SMAP2: variants seen among roughly 807,000 people sequenced by gnomAD.
SMAP2 encodes small ArfGAP2, also known as stromal membrane-associated protein 2.
SMAP2 carries 25 observed loss-of-function variants against 56.4 expected under a neutral mutation model. The observed-to-expected ratio is 0.44, with a 90% CI of 0.32 to 0.62. The LOEUF is 0.62. Ranked by LOEUF, SMAP2 falls within the 20% of genes least tolerant of loss-of-function variation. SMAP2 has a pLI of 0.04. For missense variants in SMAP2, 388 were observed against 545.6 expected, an observed-to-expected ratio of 0.71 and a Z score of 2.88; for synonymous variants, 157 against 181.7, an observed-to-expected ratio of 0.86 and a Z score of 1.09.
intron 1 of SMAP2, among the ~76,000 whole-genome samples, chr1:40,397,544 C>T (rs1021990150): frequency 6.6e-6 from 1 of 152,152 alleles, no homozygotes; most frequent in Non-Finnish European, 1.5e-5. Context: ...CTTCTCCCTT[C>T]ATTTTGCAAA....
Position 40,374,270 on chromosome 1 carries a change from G to T in SMAP2, c.103+47G>T, listed in dbSNP as rs1644519865. On this transcript the variant is annotated intron_variant, in intron 1 of 9. Transcript: ENST00000372718. The surrounding 1 kb of genome is among the most constrained non-coding windows in gnomAD (Gnocchi z 5.9). ...GCCAGGGGTCCAGCCGCGCCGGGGTGGTGGGGGTGGGCTGCGTGAAGAGGC... is the reference window on the plus strand; with the variant it reads ...GCCAGGGGTCCAGCCGCGCCGGGGTTGTGGGGGTGGGCTGCGTGAAGAGGC... 1.3e-6 allele frequency: 2 copies of T among 1,507,696 alleles called. No individual in the cohort carries two copies. The highest frequency in any genetic ancestry group is 2.7e-5 in the African/African-American group (2 of 73,042). The allele number at this position is 1,507,696 out of a possible 1,614,324, so 93.4% of individuals were successfully genotyped here.
upstream of SMAP2, among the ~76,000 whole-genome samples, chr1:40,371,256 A>C (rs1644495252): frequency 6.6e-6 from 1 of 152,168 alleles, no homozygotes; most frequent in Non-Finnish European, 1.5e-5. Context: ...ACATTTTTGC[A>C]AGACTAGTCA....
intron 9 of SMAP2, among the ~76,000 whole-genome samples, chr1:40,419,039 A>G (rs1409307518): frequency 1.3e-5 from 2 of 152,210 alleles, no homozygotes; most frequent in Non-Finnish European, 2.9e-5. Context: ...TGCAGAATAT[A>G]CATTATATTC....
chr1:40,372,160 T>C (rs187429660), upstream of SMAP2, among the ~76,000 whole-genome samples: 9 of 152,298 alleles, frequency 5.9e-5, no homozygotes, highest in African/African-American at 2.2e-4. Context: ...CGGTGAAGGA[T>C]TAATTTAACC....
At chr1:40,357,500 G>T (rs939916601) in intron 1 of SMAP2, among the ~76,000 whole-genome samples, 2 of 151,356 alleles carry the variant, frequency 1.3e-5, no homozygotes, top group Non-Finnish European at 2.9e-5. Context: ...GGAAATCTTT[G>T]CCCTGTCCAA....
At chr1:40,358,868 C>A (rs1644448190) in intron 1 of SMAP2, among the ~76,000 whole-genome samples, 1 of 152,136 alleles carries the variant, frequency 6.6e-6, no homozygotes, top group Non-Finnish European at 1.5e-5. Flanking sequence ...CTCTCTTTAG[C>A]TCTAATAATA....
At chr1:40,416,717 G>A (rs1557468306) in intron 8 of SMAP2, 63 bp from the exon 9 acceptor site, 4 of 1,490,186 alleles carry the variant, frequency 2.7e-6, no homozygotes, top group Non-Finnish European at 2.7e-6. Context: ...TAGCCAGGGA[G>A]AGTTCGGGCT....
At chr1:40,365,006 T>C in intron 2 of SMAP2, 1 of 226,524 alleles carries the variant, frequency 4.4e-6, no homozygotes, top group Non-Finnish European at 9.3e-6. Context: ...CAGTTTCAGA[T>C]GAAGAAGGTG....
rs532637457 is a variant in SMAP2 at position 40,378,206 on chromosome 1, C to A, written c.103+3983C>A. On this transcript the variant is annotated intron_variant, in intron 1 of 9. Coordinates refer to ENST00000372718, the MANE Select transcript of SMAP2 (RefSeq NM_022733.3). The stretch of plus-strand genomic sequence containing the variant: ...GTGGTGCGATTATAGCTCACTGTAG[C>A]CTCAGACTCCTGGGCTCAAGCTGTC... Among the ~76,000 whole-genome samples, 16 of 152,296 alleles carry A rather than the reference C, an allele frequency of 1.1e-4. No individual in the cohort carries two copies. In the East Asian group the frequency reaches 2.5e-3, roughly 24 times the overall value.
chr1:40,345,880 A>G (rs1320886494), intron 1 of SMAP2, among the ~76,000 whole-genome samples: 2 of 129,834 alleles, frequency 1.5e-5, no homozygotes, highest in African/African-American at 2.8e-5. Flanking sequence ...ATTGTATTAT[A>G]TTGTATTGTA....
At chr1:40,418,334 T>A (rs1645009722) in intron 9 of SMAP2, among the ~76,000 whole-genome samples, 1 of 152,030 alleles carries the variant, frequency 6.6e-6, no homozygotes, top group Non-Finnish European at 1.5e-5. Flanking sequence ...ATGAAACAGC[T>A]AAGAGAATGA....
intron 1 of SMAP2, among the ~76,000 whole-genome samples, chr1:40,404,247 A>C (rs1008962272): frequency 6.6e-6 from 1 of 152,258 alleles, no homozygotes; most frequent in Admixed American, 6.5e-5. Context: ...CTAGTGGCTC[A>C]AAACTAAAAG....
intron 6 of SMAP2, 134 bp from the exon 7 acceptor site, chr1:40,415,138 A>G: frequency 2.8e-6 from 2 of 702,722 alleles, no homozygotes; most frequent in Admixed American, 2.4e-5. Context: ...AGCCCCGTCC[A>G]TGCTAGATGG....
At chr1:40,375,817 G>A (rs1006696507) in intron 1 of SMAP2, 15 of 926,288 alleles carry the variant, frequency 1.6e-5, no homozygotes, top group Admixed American at 1.7e-4. Context: ...TGCCATTTTG[G>A]TGACTAGAAC....
intron 1 of SMAP2, among the ~76,000 whole-genome samples, chr1:40,405,794 A>AT (rs1220339411): frequency 6.6e-6 from 1 of 152,164 alleles, no homozygotes; most frequent in Non-Finnish European, 1.5e-5. Flanking sequence ...GAGTATGATA[A>AT]TTTTTCAGAG....
intron 4 of SMAP2, among the ~76,000 whole-genome samples, chr1:40,412,224 G>A (rs115433189): frequency 0.029 from 4,455 of 151,960 alleles, 102 homozygotes; most frequent in Middle Eastern, 0.054. Context: ...GTATCATCTA[G>A]GTCAAAGGAT....
intron 1 of SMAP2, among the ~76,000 whole-genome samples, chr1:40,405,631 A>G (rs12090353): frequency 0.023 from 3,468 of 152,250 alleles, 104 homozygotes; most frequent in East Asian, 0.087. Context: ...TCACCTCTTT[A>G]TTGCATCCTC....
At chr1:40,388,379 C>T (rs1043769163) in intron 1 of SMAP2, among the ~76,000 whole-genome samples, 3 of 152,232 alleles carry the variant, frequency 2.0e-5, no homozygotes, top group Non-Finnish European at 2.9e-5. Flanking sequence ...CACCAGTCGG[C>T]ACTCTGTATC....
At chr1:40,371,664 G>A (rs947087028), upstream of SMAP2, among the ~76,000 whole-genome samples, 4 of 152,180 alleles carry the variant, frequency 2.6e-5, no homozygotes, top group Non-Finnish European at 5.9e-5. Flanking sequence ...CATCCTTTCT[G>A]CTCAAACTCA....
Sources: allele counts gnomAD v4.1 joint callset (sites outside exome capture counted in the v4.1 genomes callset), GRCh38; gene constraint gnomAD v4.1.1; non-coding constraint Gnocchi (gnomAD v3.1); transcripts MANE v1.5; gene names NCBI Gene and HGNC (gene_info 2026-07-23, HGNC 2026-07-21).